Variants in NRG2 observed in about 807,000 individuals in gnomAD.
NRG2 encodes the protein pro-neuregulin-2, membrane-bound isoform.
A neutral mutation model predicts 73.9 loss-of-function variants in NRG2; 27 were observed. The ratio of observed to expected loss-of-function variants is 0.37; its 90% CI spans 0.27 to 0.50. The LOEUF is 0.50. Among genes scored for constraint, NRG2 ranks in the 20% least tolerant of loss-of-function variants. The pLI is 0.96. For missense variants in NRG2, 1,126 were observed against 1,210.1 expected, an observed-to-expected ratio of 0.93 and a Z score of 1.03; for synonymous variants, 532 against 541.0, an observed-to-expected ratio of 0.98 and a Z score of 0.23.
intron 1 of NRG2, among the ~76,000 whole-genome samples, chr5:139,927,609 C>T (rs1752153968): frequency 6.6e-6 from 1 of 151,874 alleles, no homozygotes; most frequent in South Asian, 2.1e-4. Flanking sequence ...ACTAAAAATA[C>T]AAAAATTAGG....
rs913904502 is a variant in NRG2, at chr5:139,853,996, T to C, written c.1293-969A>G. Among the ~76,000 whole-genome samples the C allele has an allele frequency of 3.3e-5, 5 of 152,194 alleles. No individual in the cohort carries two copies. The highest frequency in any genetic ancestry group is 1.2e-4 in the African/African-American group (5 of 41,438). ...AAGGATAAATGCCTGGGGGGATGAA[T>C]AGAATACATGATATGATTATTATGC... On this transcript the variant is annotated intron_variant, in intron 6 of 9. Coordinates refer to ENST00000361474, the MANE Select transcript of NRG2 (RefSeq NM_004883.3). This position sits in a 1 kb window ranked among gnomAD's most constrained non-coding sequence, Gnocchi z 4.1.
At chr5:139,993,529 A>G (rs529233709) in intron 1 of NRG2, among the ~76,000 whole-genome samples, 49 of 152,302 alleles carry the variant, frequency 3.2e-4, no homozygotes, top group Non-Finnish European at 5.0e-4. Context: ...ACCTTTATGG[A>G]CCATCCAATC....
intron 1 of NRG2, among the ~76,000 whole-genome samples, chr5:139,916,148 G>T (rs1751237375): frequency 6.6e-6 from 1 of 152,160 alleles, no homozygotes; most frequent in African/African-American, 2.4e-5. Flanking sequence ...GTAGCCTGCA[G>T]CCTCTGTGGG....
rs148694679 is a variant in NRG2, at chr5:139,880,899, G to T, written c.948C>A (p.Ile316=). The T allele has an allele frequency of 1.2e-6, 2 of 1,614,128 alleles. No individual in the cohort carries two copies. Among genetic ancestry groups the T allele is most frequent in the Non-Finnish European group, 1.7e-6 (2 of 1,179,986 alleles). Residue 316 remains isoleucine, a synonymous_variant, in exon 3 of 10, where the codon ATC becomes ATA. Transcript: ENST00000361474. ...GGCCCCGGACGGTGTCCTTCCCCAG[G>T]ATGTTCTCGGCCTCGCAGACATACT... is the stretch of plus-strand genomic sequence containing the variant. ...AGEYVCEAEN[I]LGKDTVRGRL...
At chr5:139,911,920 G>A (rs1750855413) in intron 1 of NRG2, among the ~76,000 whole-genome samples, 1 of 152,132 alleles carries the variant, frequency 6.6e-6, no homozygotes, top group Non-Finnish European at 1.5e-5. Context: ...TGGCCTGGGG[G>A]CTCTGGGGAC....
intron 1 of NRG2, among the ~76,000 whole-genome samples, chr5:140,030,596 C>T (rs1436437495): frequency 6.6e-6 from 1 of 152,222 alleles, no homozygotes; most frequent in African/African-American, 2.4e-5. Context: ...AAACCATACA[C>T]AGTGGAAACC....
chr5:139,905,697 G>A (rs1561670527), intron 1 of NRG2, among the ~76,000 whole-genome samples: 1 of 152,038 alleles, frequency 6.6e-6, no homozygotes, highest in Non-Finnish European at 1.5e-5. Flanking sequence ...GGGGGGGCAG[G>A]TGTAAGAGAC....
chr5:139,996,899 C>T (rs768998990), intron 1 of NRG2, among the ~76,000 whole-genome samples: 2 of 148,348 alleles, frequency 1.3e-5, no homozygotes, highest in East Asian at 4.0e-4. Context: ...TCTGGGAAGC[C>T]GATGGGGGTG....
rs1464572384 is a variant in NRG2, at chr5:139,847,940, TGGCCCGCGGGGGC to T, written c.2517_2529del (p.Pro840SerfsTer23). ...CCCTAGAGTGGCGCCGAGTCCTGCT[TGGCCCGCGGGGGC>T]GGCCCGCGGCTGTGTCTGCTGCTGG... On this transcript the variant is annotated frameshift_variant, in exon 10 of 10. Coordinates refer to ENST00000361474, the MANE Select transcript of NRG2 (RefSeq NM_004883.3). LOFTEE classifies it high-confidence loss of function. The T allele has an allele frequency of 4.0e-6, 6 of 1,499,086 alleles. No homozygotes were observed. Among genetic ancestry groups the T allele is most frequent in the Non-Finnish European group, 5.3e-6 (6 of 1,129,854 alleles). The allele number at this position is 1,499,086 out of a possible 1,614,324, so 92.9% of individuals were successfully genotyped here. A position where few individuals can be genotyped will look rare whatever the true frequency, so the allele number is the denominator to read the frequency against.
Position 140,029,687 on chromosome 5 carries a change from C to CAAA in NRG2, c.700+12680_700+12682dup, listed in dbSNP as rs34122778. ...TGGGTGACAGAGCAAGACTCTGTCT[C>CAAA]AAAAAAAAAAAAAAAAGCTCCAGCG... On this transcript the variant is annotated intron_variant, in intron 1 of 9. Transcript: ENST00000361474. Among the ~76,000 whole-genome samples, 28 of 61,304 alleles carry CAAA rather than the reference C, an allele frequency of 4.6e-4. 3 individuals are homozygous for CAAA. Among genetic ancestry groups the CAAA allele is most frequent in the African/African-American group, 6.5e-4 (12 of 18,482 alleles). The allele number at this position is 61,304 out of a possible 152,430, so 40.2% of individuals were successfully genotyped here. A position where few individuals can be genotyped will look rare whatever the true frequency, so the allele number is the denominator to read the frequency against.
At chr5:139,978,484 T>G (rs1471540053) in intron 1 of NRG2, among the ~76,000 whole-genome samples, 2 of 152,198 alleles carry the variant, frequency 1.3e-5, no homozygotes, top group Admixed American at 6.5e-5. Context: ...GGAACACTTT[T>G]ACACTGTTGG....
In NRG2 at chr5:139,983,637, G is replaced by T. The variant is rs572039298; in HGVS notation, c.700+58733C>A. ...TATACTGTTATACTTTCACAGACAC[G>T]CAATTTCATTAAATTTTCACAATAT... On this transcript the variant is annotated intron_variant, in intron 1 of 9. Transcript: ENST00000361474. Among the ~76,000 whole-genome samples the T allele has an allele frequency of 5.3e-5, 8 of 152,190 alleles. No homozygotes were observed. In the South Asian group the frequency reaches 1.7e-3, roughly 31 times the overall value.
intron 1 of NRG2, among the ~76,000 whole-genome samples, chr5:139,938,986 A>G (rs61493543): frequency 4.9e-5 from 7 of 143,348 alleles, no homozygotes; most frequent in Admixed American, 6.8e-5. Context: ...GGAAGGAAGG[A>G]AAGGAAGGAA....
intron 1 of NRG2, among the ~76,000 whole-genome samples, chr5:139,898,415 C>T (rs1050008704): frequency 6.6e-6 from 1 of 152,208 alleles, no homozygotes; most frequent in African/African-American, 2.4e-5. Context: ...GGTGTGTGGA[C>T]TTCCCTCTCT....
intron 4 of NRG2, among the ~76,000 whole-genome samples, chr5:139,867,804 G>A (rs1164794331): frequency 5.1e-4 from 60 of 117,432 alleles, no homozygotes; most frequent in African/African-American, 2.0e-3. Context: ...GTGTATGAGT[G>A]TGTGTGTGTG....
At chr5:139,982,370 C>T (rs1282170764) in intron 1 of NRG2, among the ~76,000 whole-genome samples, 1 of 152,084 alleles carries the variant, frequency 6.6e-6, no homozygotes, top group Non-Finnish European at 1.5e-5. Flanking sequence ...GCCCTCTTTA[C>T]GGTGGATCCA....
At chr5:139,872,041 T>C (rs1001629387) in intron 3 of NRG2, among the ~76,000 whole-genome samples, 200 bp from the exon 4 acceptor site, 3 of 152,204 alleles carry the variant, frequency 2.0e-5, no homozygotes, top group Admixed American at 6.5e-5. Flanking sequence ...GTTTACCCAG[T>C]GCAACCTTGC....
intron 1 of NRG2, among the ~76,000 whole-genome samples, chr5:139,924,912 G>C (rs1580744642): frequency 6.6e-6 from 1 of 152,162 alleles, no homozygotes; most frequent in South Asian, 2.1e-4. Context: ...TTTGGAATGG[G>C]GTCAAGGTAG....
At chr5:139,902,733 G>C (rs1466970962) in intron 1 of NRG2, among the ~76,000 whole-genome samples, 2 of 152,248 alleles carry the variant, frequency 1.3e-5, no homozygotes, top group East Asian at 1.9e-4. Context: ...GTGGGTAATG[G>C]AGGTGGCTCA....
Sources: gnomAD v4.1 joint callset for allele counts (sites outside exome capture counted in the v4.1 genomes callset) on GRCh38, gnomAD v4.1.1 for gene constraint, Gnocchi (gnomAD v3.1) non-coding constraint, MANE v1.5 for transcripts, NCBI Gene and HGNC (gene_info 2026-07-23, HGNC 2026-07-21) for gene names.